The following ZMYND11 variants were observed in gnomAD, a reference collection of about 807,000 sequenced individuals.
ZMYND11 encodes zinc finger MYND domain-containing protein 11.
A neutral mutation model predicts 84.9 loss-of-function variants in ZMYND11; 9 were observed. The ratio of observed to expected loss-of-function variants is 0.11; its 90% CI spans 0.06 to 0.18. ZMYND11 has a LOEUF of 0.18. Ranked by LOEUF, ZMYND11 falls within the 10% of genes least tolerant of loss-of-function variation. The pLI is 1.00. For synonymous variants in ZMYND11, 250 were observed against 244.1 expected, an observed-to-expected ratio of 1.02 and a Z score of -0.23; for missense variants, 409 against 761.0, an observed-to-expected ratio of 0.54 and a Z score of 5.44.
chr10:246,910 TAA>T lies in ZMYND11; in HGVS notation c.1096_1097del (p.Lys366GlufsTer2). 6.2e-7 allele frequency: 1 copy of T among 1,613,394 alleles called. No homozygotes were observed. Among genetic ancestry groups the T allele is most frequent in the Non-Finnish European group, 8.5e-7 (1 of 1,179,772 alleles). ...FLREGRFWKS[K>X]NEDRGEEEAE... ...TACGAGAAGGGAGATTTTGGAAATC[TAA>T]GAATGAGGACCGAGGTGAGGAAGAG... is the stretch of plus-strand genomic sequence containing the variant. On this transcript the variant is annotated frameshift_variant, in exon 11 of 15. Transcript: ENST00000381604. LOFTEE classifies it high-confidence loss of function.
intron 2 of ZMYND11, among the ~76,000 whole-genome samples, chr10:202,345 T>C (rs76726172): frequency 0.047 from 7,135 of 152,266 alleles, 216 homozygotes; most frequent in Non-Finnish European, 0.063. Context: ...CATAACAATA[T>C]ATATTTTTAA....
intron 1 of ZMYND11, among the ~76,000 whole-genome samples, chr10:176,786 G>A (rs1325444380): frequency 5.3e-5 from 8 of 152,162 alleles, no homozygotes; most frequent in African/African-American, 1.9e-4. Flanking sequence ...AAAGGATAGG[G>A]AAATTTTTAA....
Position 247,479 on chromosome 10 carries a change from C to A in ZMYND11, c.1227+13C>A. ...GCCCAAAAAGGAAGTAAGTTGCCCACCTCGCAGTATCCAGGTGGCAAATGA... is the reference window on the plus strand; with the variant it reads ...GCCCAAAAAGGAAGTAAGTTGCCCAACTCGCAGTATCCAGGTGGCAAATGA... On this transcript the variant is annotated intron_variant, in intron 12 of 14. Transcript: ENST00000381604. 1 of 1,613,272 alleles carries A rather than the reference C, an allele frequency of 6.2e-7. No individual in the cohort carries two copies. The highest frequency in any genetic ancestry group is 8.5e-7 in the Non-Finnish European group (1 of 1,179,440).
At chr10:236,062 A>T (rs183069368) in intron 4 of ZMYND11, among the ~76,000 whole-genome samples, 2 of 152,338 alleles carry the variant, frequency 1.3e-5, no homozygotes, top group East Asian at 3.9e-4. Flanking sequence ...AAGTTAAAGC[A>T]TCTATTAAAA....
At chr10:221,843 G>A (rs188748033) in intron 4 of ZMYND11, among the ~76,000 whole-genome samples, 1 of 152,008 alleles carries the variant, frequency 6.6e-6, no homozygotes, top group East Asian at 1.9e-4. Context: ...TTATTTGGAG[G>A]GTGGAGGGAT....
At chr10:189,436 C>T (rs180743651) in intron 2 of ZMYND11, among the ~76,000 whole-genome samples, 12 of 152,308 alleles carry the variant, frequency 7.9e-5, no homozygotes, top group African/African-American at 2.9e-4. Flanking sequence ...CATTAAAAAA[C>T]AACTGATTAG....
At chr10:136,894 G>C (rs1836225956) in intron 1 of ZMYND11, among the ~76,000 whole-genome samples, 1 of 152,112 alleles carries the variant, frequency 6.6e-6, no homozygotes, top group Non-Finnish European at 1.5e-5. Flanking sequence ...TGCCATATGC[G>C]GTGTGTATGC....
intron 1 of ZMYND11, among the ~76,000 whole-genome samples, chr10:162,662 C>T (rs1276395449): frequency 6.6e-6 from 1 of 151,922 alleles, no homozygotes; most frequent in East Asian, 1.9e-4. Flanking sequence ...TAATGTATTT[C>T]CTAGTATTGA....
intron 1 of ZMYND11, among the ~76,000 whole-genome samples, chr10:154,104 A>C (rs538853432): frequency 2.6e-5 from 4 of 152,312 alleles, no homozygotes; most frequent in African/African-American, 9.6e-5. Context: ...AAAGTTAGCC[A>C]CTTTTCTATA....
chr10:201,338 T>C (rs950102830), intron 2 of ZMYND11, among the ~76,000 whole-genome samples: 2 of 152,220 alleles, frequency 1.3e-5, no homozygotes, highest in African/African-American at 2.4e-5. Context: ...ATGTTTTTCA[T>C]TGATAGAAAA....
At chr10:244,650 A>G (rs1280705053) in intron 10 of ZMYND11, 1 of 152,290 alleles carries the variant, frequency 6.6e-6, no homozygotes, top group Non-Finnish European at 1.5e-5. Context: ...ACATCAGATC[A>G]CAGAACCATT....
Position 209,932 on chromosome 10 carries a change from C to T in ZMYND11, c.160C>T (p.Arg54Cys), listed in dbSNP as rs1221575272. Residue 54 changes from arginine (R) to cysteine (C), a missense_variant, in exon 3 of 15, where the codon CGT becomes TGT. Arg to Cys is a radical substitution (Grantham distance 180). Coordinates refer to ENST00000381604, the MANE Select transcript of ZMYND11 (RefSeq NM_001370100.5). Reference sequence around the variant, plus strand: ...CGGTATGCACCCTAAAGAGACCACCCGTCAGCTGAGCTTAGCTGTGAAAGA... The same window carrying T: ...CGGTATGCACCCTAAAGAGACCACCTGTCAGCTGAGCTTAGCTGTGAAAGA... ...VHGMHPKETTRQLSLAVKDGL... is the reference protein window; with the variant it reads ...VHGMHPKETTCQLSLAVKDGL... 2.5e-6 allele frequency: 4 copies of T among 1,614,046 alleles called. No homozygotes were observed. The highest frequency in any genetic ancestry group is 3.4e-6 in the Non-Finnish European group (4 of 1,179,976).
chr10:209,019 GTATATA>G, intron 2 of ZMYND11, among the ~76,000 whole-genome samples: 1 of 151,558 alleles, frequency 6.6e-6, no homozygotes, highest in Non-Finnish European at 1.5e-5. Flanking sequence ...GTGTGTGTGT[GTATATA>G]TATATGTATA....
chr10:188,366 C>T (rs1939334433), intron 2 of ZMYND11, among the ~76,000 whole-genome samples: 1 of 151,602 alleles, frequency 6.6e-6, no homozygotes, highest in Non-Finnish European at 1.5e-5. Context: ...GCAGGTGGAT[C>T]GCTTGAGCTC....
chr10:131,899 G>T (rs1313468160), upstream of ZMYND11, among the ~76,000 whole-genome samples: 1 of 152,104 alleles, frequency 6.6e-6, no homozygotes, highest in Non-Finnish European at 1.5e-5. Context: ...CAGCATCAAT[G>T]AATGGTAACT....
intron 2 of ZMYND11, among the ~76,000 whole-genome samples, chr10:203,978 A>G (rs894239561): frequency 6.6e-6 from 1 of 152,186 alleles, no homozygotes; most frequent in Non-Finnish European, 1.5e-5. Flanking sequence ...TCCTTGGTAC[A>G]GTTATCAGTT....
In ZMYND11 at chr10:240,047, T is replaced by C; in HGVS notation, c.698-9T>C. 2 of 1,608,712 alleles carry C rather than the reference T, an allele frequency of 1.2e-6. No homozygotes were observed. The highest frequency in any genetic ancestry group is 8.5e-7 in the Non-Finnish European group (1 of 1,177,148). On this transcript the variant is annotated splice_polypyrimidine_tract_variant and intron_variant, in intron 7 of 14. Transcript: ENST00000381604. ...ATTGCTTATAGGTAATATCTATTTT[T>C]AATTACAGCAGACAGTGAGCAAGCT...
chr10:208,285 A>G (rs1944547380), intron 2 of ZMYND11, among the ~76,000 whole-genome samples: 1 of 152,246 alleles, frequency 6.6e-6, no homozygotes, highest in African/African-American at 2.4e-5. Flanking sequence ...ACAAAAGCCA[A>G]AATTGACAAA....
chr10:213,953 T>C (rs950422581), intron 3 of ZMYND11, among the ~76,000 whole-genome samples: 2 of 152,210 alleles, frequency 1.3e-5, no homozygotes, highest in Non-Finnish European at 2.9e-5. Context: ...AGCAATCATG[T>C]AACAAAAGCC....
Sources: gnomAD v4.1 joint callset for allele counts (sites outside exome capture counted in the v4.1 genomes callset) on GRCh38, gnomAD v4.1.1 for gene constraint, MANE v1.5 for transcripts, NCBI Gene and HGNC (gene_info 2026-07-23, HGNC 2026-07-21) for gene names.